Variants in ERC2 observed in about 807,000 individuals in gnomAD.
ERC2 encodes the protein ELKS/RAB6-interacting/CAST family member 2, also known as ERC protein 2.
In ERC2, 42 loss-of-function variants were observed where a neutral mutation model predicts 114.8. The observed-to-expected ratio is 0.37, with a 90% CI of 0.29 to 0.47. The LOEUF is 0.47. Among genes scored for constraint, ERC2 ranks in the 20% least tolerant of loss-of-function variants. ERC2 has a pLI of 0.99. For synonymous variants in ERC2, 454 were observed against 425.5 expected, an observed-to-expected ratio of 1.07 and a Z score of -0.82; for missense variants, 939 against 1,150.7, an observed-to-expected ratio of 0.82 and a Z score of 2.66.
chr3:56,343,856 T>C (rs965681415), intron 2 of ERC2, among the ~76,000 whole-genome samples: 1 of 152,204 alleles, frequency 6.6e-6, no homozygotes, highest in East Asian at 1.9e-4. Context: ...CACAAAGTCT[T>C]GCCCTTGTTA....
intron 3 of ERC2, among the ~76,000 whole-genome samples, chr3:56,275,179 A>G (rs2053913156): frequency 6.6e-6 from 1 of 152,226 alleles, no homozygotes; most frequent in Non-Finnish European, 1.5e-5. Context: ...CAGCTTAAAG[A>G]AAGTAAATAA....
At chr3:55,888,574 T>G in intron 13 of ERC2, 25 bp from the exon 14 acceptor site, 6 of 1,610,732 alleles carry the variant, frequency 3.7e-6, no homozygotes, top group Non-Finnish European at 5.1e-6. Flanking sequence ...GAGCTCTGTG[T>G]GTTATTTCTC....
chr3:56,239,049 T>C (rs902839544), intron 3 of ERC2, among the ~76,000 whole-genome samples: 4 of 152,150 alleles, frequency 2.6e-5, no homozygotes, highest in African/African-American at 9.7e-5. Flanking sequence ...CCACAAATAC[T>C]ACACTGTAAA....
chr3:56,115,911 G>A (rs1433614213), intron 6 of ERC2, among the ~76,000 whole-genome samples: 3 of 152,110 alleles, frequency 2.0e-5, no homozygotes, highest in Non-Finnish European at 4.4e-5. Flanking sequence ...AATCCCTCCA[G>A]GGCCAGGTAC....
At chr3:56,293,153 G>A (rs1221128006) in intron 3 of ERC2, among the ~76,000 whole-genome samples, 5 of 152,238 alleles carry the variant, frequency 3.3e-5, no homozygotes, top group Admixed American at 6.5e-5. Flanking sequence ...ATGATTCAGT[G>A]TGAATCAACG....
At chr3:56,274,471 GTTCAAA>G (rs1388342797) in intron 3 of ERC2, among the ~76,000 whole-genome samples, 3 of 151,490 alleles carry the variant, frequency 2.0e-5, no homozygotes, top group Non-Finnish European at 4.4e-5. Context: ...ATAAACATGG[GTTCAAA>G]TCCAGGGAAA....
At chr3:55,781,511 A>G (rs1302402746) in intron 14 of ERC2, among the ~76,000 whole-genome samples, 3 of 150,818 alleles carry the variant, frequency 2.0e-5, no homozygotes, top group Admixed American at 6.6e-5. Context: ...TTTTTTTGTC[A>G]TGGCTTAATT....
intron 17 of ERC2, among the ~76,000 whole-genome samples, chr3:55,524,645 A>G (rs796459525): frequency 9.2e-5 from 14 of 152,262 alleles, no homozygotes; most frequent in African/African-American, 3.4e-4. Flanking sequence ...AAGAAGGAGC[A>G]GTTGTCATAA....
intron 13 of ERC2, among the ~76,000 whole-genome samples, chr3:55,938,285 T>G (rs2066579412): frequency 6.6e-6 from 1 of 152,266 alleles, no homozygotes; most frequent in East Asian, 1.9e-4. Context: ...GCTTTGAGAA[T>G]TAAAAACATT....
chr3:56,259,647 TTGATA>T (rs58550092), intron 3 of ERC2, among the ~76,000 whole-genome samples: 55,674 of 143,900 alleles, frequency 0.39, 12,510 homozygotes, highest in Non-Finnish European at 0.5. Flanking sequence ...TGGTACAGAT[TTGATA>T]TGATATGATA....
At chr3:55,875,731 C>A (rs2062805001) in intron 14 of ERC2, among the ~76,000 whole-genome samples, 1 of 151,882 alleles carries the variant, frequency 6.6e-6, no homozygotes, top group South Asian at 2.1e-4. Context: ...CACACTCTCT[C>A]TCTCTCACCC....
chr3:55,980,262 A>G (rs1225554206), intron 12 of ERC2, among the ~76,000 whole-genome samples: 1 of 151,556 alleles, frequency 6.6e-6, no homozygotes, highest in African/African-American at 2.4e-5. Context: ...AAATATTAAA[A>G]TCATCAAAAT....
chr3:55,882,276 G>T (rs1192827006), intron 14 of ERC2, among the ~76,000 whole-genome samples: 1 of 152,116 alleles, frequency 6.6e-6, no homozygotes, highest in African/African-American at 2.4e-5. Context: ...CCCTTCTGCC[G>T]TAAGTGGAAG....
rs113641942 is a variant in ERC2 at position 55,601,923 on chromosome 3, C to G, written c.*39+81871G>C. On this transcript the variant is annotated intron_variant, in intron 17 of 17. Coordinates refer to ENST00000288221, the MANE Select transcript of ERC2 (RefSeq NM_015576.3). ...GATGCCAGAGTAAGTACTCCACTTC[C>G]TTTTTAATAACCAGCATCCACTGGG... Among the ~76,000 whole-genome samples, 648 of 152,286 alleles carry G rather than the reference C, an allele frequency of 4.3e-3. 7 individuals are homozygous for G. Among genetic ancestry groups the G allele is most frequent in the African/African-American group, 0.014 (599 of 41,552 alleles).
intron 13 of ERC2, among the ~76,000 whole-genome samples, chr3:55,921,111 A>C (rs548230564): frequency 1.6e-4 from 25 of 152,274 alleles, no homozygotes; most frequent in African/African-American, 6.0e-4. Flanking sequence ...GTGTTTGTGC[A>C]ATTAGGCAAT....
intron 7 of ERC2, among the ~76,000 whole-genome samples, chr3:56,036,683 A>T (rs936273414): frequency 1.3e-5 from 2 of 151,998 alleles, no homozygotes; most frequent in African/African-American, 4.8e-5. Context: ...TGGAGCTCTC[A>T]CCCCCAGACA....
At chr3:55,721,762 C>T (rs7641126) in intron 15 of ERC2, among the ~76,000 whole-genome samples, 1 of 152,156 alleles carries the variant, frequency 6.6e-6, no homozygotes, top group Non-Finnish European at 1.5e-5. Context: ...GACATCTCAG[C>T]GAGCATTAGA....
At chr3:56,032,989 A>AAGAAAGAAAG (rs2074528351) in intron 7 of ERC2, among the ~76,000 whole-genome samples, 3 of 115,218 alleles carry the variant, frequency 2.6e-5, no homozygotes, top group African/African-American at 6.6e-5. Context: ...GAAAGAAAGA[A>AAGAAAGAAAG]AGAAAGAAAG....
chr3:56,381,083 A>G (rs984099943), intron 2 of ERC2, among the ~76,000 whole-genome samples: 9 of 152,190 alleles, frequency 5.9e-5, no homozygotes, highest in African/African-American at 2.2e-4. Context: ...GCACTTTAGG[A>G]CTTTGCATTA....
Sources: gnomAD v4.1 joint callset for allele counts (sites outside exome capture counted in the v4.1 genomes callset) on GRCh38, gnomAD v4.1.1 for gene constraint, MANE v1.5 for transcripts, NCBI Gene and HGNC (gene_info 2026-07-23, HGNC 2026-07-21) for gene names.